MYPN: variants seen among roughly 807,000 people sequenced by gnomAD.
The protein encoded by MYPN is sarcomeric protein myopalladin, 145 kDa (MYOP).
MYPN carries 63 observed loss-of-function variants against 129.4 expected under a neutral mutation model. That is an observed-to-expected ratio of 0.49 (90% CI 0.40 to 0.60). The LOEUF is 0.60. Ranked by LOEUF, MYPN falls within the 20% of genes least tolerant of loss-of-function variation. MYPN has a pLI of 0.00. For missense variants in MYPN, 1,596 were observed against 1,635.4 expected (o/e 0.98, Z 0.42); for synonymous variants, 629 against 600.9 (o/e 1.05, Z -0.68).
intron 12 of MYPN, among the ~76,000 whole-genome samples, 154 bp downstream of exon 12, chr10:68,175,615 C>T (rs936789562): frequency 6.6e-6 from 1 of 152,164 alleles, no homozygotes. Flanking sequence ...ATGTGAGAAA[C>T]CTGCCTGTGT....
chr10:68,207,661 A>G (rs543394099), intron 19 of MYPN, among the ~76,000 whole-genome samples: 28 of 152,236 alleles, frequency 1.8e-4, no homozygotes, highest in Non-Finnish European at 3.4e-4. Context: ...TGTCCTAATA[A>G]TAATAATAAT....
At chr10:68,178,626 T>A (rs2043265041) in intron 12 of MYPN, among the ~76,000 whole-genome samples, 1 of 149,116 alleles carries the variant, frequency 6.7e-6, no homozygotes, top group African/African-American at 2.5e-5. Flanking sequence ...AGCAGGAGAA[T>A]CACTTGAACC....
chr10:68,094,474 C>T (rs1023235792), intron 1 of MYPN, among the ~76,000 whole-genome samples: 1 of 151,688 alleles, frequency 6.6e-6, no homozygotes, highest in African/African-American at 2.4e-5. Flanking sequence ...GTTGGCCAGT[C>T]TGGTCTTCAA....
intron 11 of MYPN, 40 bp from the exon 12 acceptor site, chr10:68,175,283 T>G (rs1314506654): frequency 6.2e-7 from 1 of 1,613,152 alleles, no homozygotes; most frequent in East Asian, 2.2e-5. Flanking sequence ...CCCTGGCCAG[T>G]GCTTTTCATG....
At position 68,120,000 on chromosome 10, in the gene MYPN, C is replaced by T. The variant is rs546380579; in HGVS notation, c.-1-1438C>T. On this transcript the variant is annotated intron_variant, in intron 1 of 19. Coordinates refer to ENST00000358913, the MANE Select transcript of MYPN (RefSeq NM_032578.4). The stretch of plus-strand genomic sequence containing the variant: ...ATATAAGAGAATGGAAAGAAATCAA[C>T]TGAAGTAAGTTCTATTATAGGATGT... Among the ~76,000 whole-genome samples the T allele has an allele frequency of 5.3e-5, 8 of 152,318 alleles. No homozygotes were observed. The East Asian group carries it at 9.6e-4, about 18-fold the overall frequency.
chr10:68,129,622 C>T (rs2042378917), intron 2 of MYPN, among the ~76,000 whole-genome samples: 1 of 152,158 alleles, frequency 6.6e-6, no homozygotes, highest in Non-Finnish European at 1.5e-5. Context: ...CTATGTATAA[C>T]TTCAACTTTA....
rs2042250428 is a variant in MYPN, at chr10:68,121,996, A to G, written c.558A>G (p.Glu186=). 1 of 1,614,118 alleles carries G rather than the reference A, an allele frequency of 6.2e-7. No individual in the cohort carries two copies. The highest frequency in any genetic ancestry group is 1.1e-5 in the South Asian group (1 of 91,090). Residue 186 remains glutamate (E), a synonymous_variant, in exon 2 of 20, where the codon GAA becomes GAG. Transcript: ENST00000358913. The stretch of plus-strand genomic sequence containing the variant: ...GCAAAAACCACAAGAGTAAACTGGA[A>G]TCTCAAAACAAAGTTATGCAGGAAA... ...RACKNHKSKL[E]SQNKVMQENS... is the part of the protein sequence containing the mutation.
At position 68,211,320 on chromosome 10, in the gene MYPN, A is replaced by G. The variant is rs137922290; in HGVS notation, c.*865A>G. On this transcript the variant is annotated 3_prime_UTR_variant, in exon 20 of 20. Transcript: ENST00000358913. Reference sequence around the variant, plus strand: ...TGTGCAAGAGTCATCATTTGCCCATAAAATACACCTCATGGGCTCCTACCC... The same window carrying G: ...TGTGCAAGAGTCATCATTTGCCCATGAAATACACCTCATGGGCTCCTACCC... 1.7e-4 allele frequency: 78 copies of G among 454,094 alleles called. No homozygotes were observed. In the East Asian group the frequency reaches 2.1e-3, roughly 12 times the overall value. 28.1% of individuals were successfully genotyped at this position (454,094 alleles called of 1,614,324 possible).
intron 8 of MYPN, chr10:68,162,171 A>G (rs1416940088): frequency 4.2e-5 from 6 of 141,990 alleles, no homozygotes; most frequent in African/African-American, 1.5e-4. Flanking sequence ...TGTCTCAAAA[A>G]AAAAAAAAAA....
intron 6 of MYPN, among the ~76,000 whole-genome samples, chr10:68,154,974 G>A (rs1274786018): frequency 6.6e-6 from 1 of 152,040 alleles, no homozygotes; most frequent in Non-Finnish European, 1.5e-5. Flanking sequence ...GAGGCCAAGA[G>A]TTCGAGACCA....
intron 15 of MYPN, 99 bp downstream of exon 15, chr10:68,195,631 G>T (rs971435971): frequency 5.0e-6 from 5 of 991,042 alleles, no homozygotes; most frequent in Non-Finnish European, 8.1e-6. Context: ...TTAATTAAAG[G>T]TAGTCCTTCA....
At position 68,109,530 on chromosome 10, in the gene MYPN, G is replaced by A. The variant is rs1375917147; in HGVS notation, c.-195G>A. 4.4e-6 allele frequency: 2 copies of A among 454,052 alleles called. No homozygotes were observed. Among genetic ancestry groups the A allele is most frequent in the South Asian group, 3.1e-5 (2 of 64,476 alleles). 28.1% of individuals were successfully genotyped at this position (454,052 alleles called of 1,614,324 possible). A position where few individuals can be genotyped will look rare whatever the true frequency, so the allele number is the denominator to read the frequency against. On this transcript the variant is annotated 5_prime_UTR_variant, in exon 1 of 20. Coordinates refer to ENST00000358913, the MANE Select transcript of MYPN (RefSeq NM_032578.4). Reference sequence around the variant, plus strand: ...GGCTCCGGTGGTGACAGGTTGTCCAGCTTCTTACAGCCATCTTCACTGAAA... The same window carrying A: ...GGCTCCGGTGGTGACAGGTTGTCCAACTTCTTACAGCCATCTTCACTGAAA...
intron 1 of MYPN, among the ~76,000 whole-genome samples, chr10:68,098,232 C>T (rs1054258488): frequency 3.3e-5 from 5 of 152,042 alleles, no homozygotes; most frequent in Admixed American, 6.6e-5. Context: ...GGCAACAGAG[C>T]GAGACTCTGT....
At chr10:68,142,821 G>A (rs973636177) in intron 2 of MYPN, 119 bp from the exon 3 acceptor site, 14 of 987,172 alleles carry the variant, frequency 1.4e-5, no homozygotes, top group Admixed American at 1.2e-4. Context: ...TAATGATGGA[G>A]TTTTTTGTTG....
intron 1 of MYPN, among the ~76,000 whole-genome samples, chr10:68,095,420 C>T (rs1177989312): frequency 6.6e-6 from 1 of 151,752 alleles, no homozygotes; most frequent in Admixed American, 6.6e-5. Context: ...CTGTAATTTG[C>T]AGAAGCATCC....
At chr10:68,137,168 A>G (rs1024103278) in intron 2 of MYPN, among the ~76,000 whole-genome samples, 18 of 152,232 alleles carry the variant, frequency 1.2e-4, no homozygotes, top group Non-Finnish European at 1.3e-4. Context: ...ATGAACAAAA[A>G]AACCATTTAG....
chr10:68,166,711 T>C (rs71535755), intron 10 of MYPN, 45 bp downstream of exon 10: 1 of 1,608,754 alleles, frequency 6.2e-7, no homozygotes, highest in African/African-American at 1.3e-5. Context: ...CTGTGATCTT[T>C]TCTTGAATCT....
upstream of MYPN, chr10:68,109,166 A>G (rs2042047494): frequency 5.9e-6 from 1 of 169,034 alleles, no homozygotes; most frequent in African/African-American, 2.4e-5. Context: ...TCAGTGATTT[A>G]ATGAGAGTAA....
intron 12 of MYPN, 77 bp downstream of exon 12, chr10:68,175,538 T>C (rs546843017): frequency 6.6e-7 from 1 of 1,524,620 alleles, no homozygotes; most frequent in Admixed American, 1.7e-5. Context: ...AGTCCTCGGA[T>C]ACTCAGGTAA....
Sources: gnomAD v4.1 joint callset for allele counts (sites outside exome capture counted in the v4.1 genomes callset) on GRCh38, gnomAD v4.1.1 for gene constraint, MANE v1.5 for transcripts, NCBI Gene and HGNC (gene_info 2026-07-23, HGNC 2026-07-21) for gene names.